The following RORA variants were observed in gnomAD, a reference collection of about 807,000 sequenced individuals.
RORA encodes the protein RAR related orphan receptor A.
In RORA, 7 loss-of-function variants were observed where a neutral mutation model predicts 69.5. That is an observed-to-expected ratio of 0.10 (90% CI 0.06 to 0.19). RORA has a LOEUF of 0.19. RORA is among the 10% of genes least tolerant of loss of function. The pLI is 1.00. For synonymous variants in RORA, 261 were observed against 240.8 expected, an observed-to-expected ratio of 1.08 and a Z score of -0.78; for missense variants, 457 against 663.0, an observed-to-expected ratio of 0.69 and a Z score of 3.41.
intron 2 of RORA, among the ~76,000 whole-genome samples, chr15:60,570,477 G>A (rs977388350): frequency 1.4e-4 from 21 of 151,938 alleles, no homozygotes; most frequent in Non-Finnish European, 8.8e-5. Flanking sequence ...ACTATAATGC[G>A]TGCCACCATA....
intron 2 of RORA, among the ~76,000 whole-genome samples, chr15:60,533,325 GCTTT>G (rs2141459392): frequency 6.6e-6 from 1 of 152,192 alleles, no homozygotes; most frequent in African/African-American, 2.4e-5. Flanking sequence ...TACTCTGGAG[GCTTT>G]CTAATACCCC....
intron 1 of RORA, among the ~76,000 whole-genome samples, chr15:60,868,518 CA>C (rs2073515614): frequency 6.6e-6 from 1 of 152,298 alleles, no homozygotes; most frequent in South Asian, 2.1e-4. Context: ...AGCAAGCCCT[CA>C]GTCATCAGAA....
intron 1 of RORA, among the ~76,000 whole-genome samples, chr15:60,754,495 T>A (rs1383505442): frequency 2.0e-5 from 3 of 152,162 alleles, no homozygotes; most frequent in East Asian, 1.9e-4. Context: ...AAAATGGACA[T>A]CAAAAAATTA....
chr15:60,760,803 A>G (rs1179251155), intron 1 of RORA, among the ~76,000 whole-genome samples: 1 of 152,074 alleles, frequency 6.6e-6, no homozygotes, highest in East Asian at 1.9e-4. Context: ...CTTGTTAATC[A>G]AGTCTTCTGG....
intron 1 of RORA, among the ~76,000 whole-genome samples, chr15:61,101,765 G>C (rs1403382761): frequency 6.6e-6 from 1 of 152,102 alleles, no homozygotes; most frequent in African/African-American, 2.4e-5. Context: ...AGGAAAAGGA[G>C]GTGGACAGCA....
intron 1 of RORA, among the ~76,000 whole-genome samples, chr15:60,852,192 T>C (rs1038278525): frequency 4.6e-5 from 7 of 152,146 alleles, no homozygotes; most frequent in African/African-American, 9.7e-5. Context: ...GGTGTTCTTA[T>C]TGAATACCAA....
intron 1 of RORA, among the ~76,000 whole-genome samples, chr15:60,998,692 C>G (rs1894647606): frequency 2.1e-5 from 3 of 145,504 alleles, no homozygotes. Flanking sequence ...AGCCACCGCA[C>G]CCACCCCACC....
chr15:60,867,474 C>T (rs745338147), intron 1 of RORA, among the ~76,000 whole-genome samples: 1 of 152,150 alleles, frequency 6.6e-6, no homozygotes, highest in Non-Finnish European at 1.5e-5. Flanking sequence ...AAAAGAAACG[C>T]ACACATCAGG....
chr15:61,209,502 T>A (rs2079971484), intron 1 of RORA, among the ~76,000 whole-genome samples: 1 of 152,254 alleles, frequency 6.6e-6, no homozygotes, highest in East Asian at 1.9e-4. Context: ...ATTAGTATGC[T>A]TTAGGCATCA....
intron 2 of RORA, among the ~76,000 whole-genome samples, chr15:60,566,919 C>T (rs756005627): frequency 4.6e-5 from 7 of 152,012 alleles, no homozygotes; most frequent in Non-Finnish European, 7.4e-5. Context: ...TCCTAAAGGG[C>T]CTTGAATACT....
chr15:61,038,905 C>T (rs982538676), intron 1 of RORA: 2 of 152,274 alleles, frequency 1.3e-5, no homozygotes, highest in African/African-American at 2.4e-5. Context: ...GCATTCTCCC[C>T]TTCCAGTGCT....
At chr15:61,157,487 C>T (rs2079454761) in intron 1 of RORA, among the ~76,000 whole-genome samples, 1 of 152,126 alleles carries the variant, frequency 6.6e-6, no homozygotes, top group Non-Finnish European at 1.5e-5. Flanking sequence ...ATACTGGACT[C>T]AGCTAGGTAT....
intron 1 of RORA, among the ~76,000 whole-genome samples, chr15:61,062,284 T>C (rs2078197506): frequency 6.6e-6 from 1 of 152,178 alleles, no homozygotes; most frequent in Admixed American, 6.5e-5. Flanking sequence ...CAAGTTTGTC[T>C]TTTTCTTAGT....
intron 1 of RORA, among the ~76,000 whole-genome samples, chr15:60,937,571 G>T (rs11638150): frequency 0.23 from 34,473 of 152,090 alleles, 4,145 homozygotes; most frequent in Middle Eastern, 0.31. Flanking sequence ...TGTATGATTG[G>T]TCCTTAGAGC....
At chr15:60,724,270 T>C (rs1180953409) in intron 1 of RORA, among the ~76,000 whole-genome samples, 4 of 152,228 alleles carry the variant, frequency 2.6e-5, no homozygotes, top group Non-Finnish European at 4.4e-5. Context: ...GTAACTTTCA[T>C]TGAGGGCTCC....
chr15:60,835,415 A>G (rs2073103020), intron 1 of RORA, among the ~76,000 whole-genome samples: 1 of 152,156 alleles, frequency 6.6e-6, no homozygotes. Flanking sequence ...GTAAGCAAAA[A>G]CTGTGTGGAC....
chr15:60,770,029 G>A (rs970954618), intron 1 of RORA, among the ~76,000 whole-genome samples: 3 of 152,162 alleles, frequency 2.0e-5, no homozygotes, highest in African/African-American at 4.8e-5. Context: ...CAGCCAAGAT[G>A]CTGACACAGC....
chr15:60,618,947 A>G (rs2140615056), intron 2 of RORA, among the ~76,000 whole-genome samples: 1 of 152,342 alleles, frequency 6.6e-6, no homozygotes, highest in East Asian at 1.9e-4. Flanking sequence ...TGGTCTTCAC[A>G]AACATAAACT....
At chr15:60,882,636 TACACACACACACAC>T (rs67057464) in intron 1 of RORA, among the ~76,000 whole-genome samples, 19 of 147,606 alleles carry the variant, frequency 1.3e-4, no homozygotes, top group African/African-American at 3.5e-4. Flanking sequence ...GGAGCTTAAC[TACACACACACACAC>T]ACACACACAC....
Sources: allele counts gnomAD v4.1 joint callset (sites outside exome capture counted in the v4.1 genomes callset), GRCh38; gene constraint gnomAD v4.1.1; transcripts MANE v1.5; gene names NCBI Gene and HGNC (gene_info 2026-07-23, HGNC 2026-07-21).